The following AKAP7 variants were observed in gnomAD, a reference collection of about 807,000 sequenced individuals.
AKAP7 encodes the protein A kinase (PRKA) anchor protein 7.
A neutral mutation model predicts 39.5 loss-of-function variants in AKAP7; 39 were observed. The ratio of observed to expected loss-of-function variants is 0.99; its 90% CI spans 0.76 to 1.29. AKAP7 has a LOEUF of 1.29. Ranked by LOEUF, AKAP7 falls within the 50% of genes most tolerant of loss-of-function variation. AKAP7 has a pLI of 0.00. For missense variants in AKAP7, 414 were observed against 407.7 expected (o/e 1.02, Z -0.13); for synonymous variants, 140 against 139.1 (o/e 1.01, Z -0.05).
rs554398202 is a variant in AKAP7 at position 131,184,546 on chromosome 6, C to G, written c.590-14915C>G. ...GCTCGATGCATTGCCAGCAGTATGT[C>G]TTCACTGCCCCATCATCATGGGGGT... On this transcript the variant is annotated intron_variant, in intron 5 of 7. Coordinates refer to ENST00000431975, the MANE Select transcript of AKAP7 (RefSeq NM_016377.4). 5.6e-6 allele frequency: 4 copies of G among 719,400 alleles called. No homozygotes were observed. In the East Asian group the frequency reaches 1.0e-4, roughly 18 times the overall value. The allele number at this position is 719,400 out of a possible 1,614,324, so 44.6% of individuals were successfully genotyped here.
At chr6:131,236,749 T>A (rs1383421363) in intron 7 of AKAP7, among the ~76,000 whole-genome samples, 2 of 152,198 alleles carry the variant, frequency 1.3e-5, no homozygotes, top group African/African-American at 4.8e-5. Flanking sequence ...TTTTGCACAT[T>A]CATTTTGTAT....
intron 6 of AKAP7, among the ~76,000 whole-genome samples, chr6:131,211,607 A>G (rs966322479): frequency 6.6e-6 from 1 of 151,482 alleles, no homozygotes; most frequent in Non-Finnish European, 1.5e-5. Context: ...CTACTAAAAA[A>G]AAAAAAATGC....
intron 1 of AKAP7, among the ~76,000 whole-genome samples, chr6:131,139,288 C>T (rs186412436): frequency 4.1e-4 from 62 of 152,196 alleles, no homozygotes; most frequent in Non-Finnish European, 8.2e-4. Flanking sequence ...TTAATAATTC[C>T]TATCTCAAAA....
intron 5 of AKAP7, among the ~76,000 whole-genome samples, chr6:131,191,049 T>A (rs1316647052): frequency 2.0e-5 from 3 of 152,202 alleles, no homozygotes; most frequent in Admixed American, 2.0e-4. Context: ...CTGTTTGTTT[T>A]CTGGGTTGAT....
chr6:131,184,647 C>G, intron 5 of AKAP7: 1 of 766,014 alleles, frequency 1.3e-6, no homozygotes, highest in Admixed American at 1.7e-5. Flanking sequence ...GTCCCATCTT[C>G]TTGTTAATCT....
chr6:131,131,718 T>C (rs1800334099), upstream of AKAP7, among the ~76,000 whole-genome samples: 2 of 152,026 alleles, frequency 1.3e-5, no homozygotes, highest in Non-Finnish European at 2.9e-5. Flanking sequence ...CAAGGAGTAT[T>C]AAAGCCCTCA....
At chr6:131,127,887 G>A in the AKAP7 span, among the ~76,000 whole-genome samples, 17 of 152,172 alleles carry the variant, frequency 1.1e-4, no homozygotes, top group Admixed American at 8.5e-4. Flanking sequence ...AATATGGATG[G>A]AGCTGGAGGC....
chr6:131,154,468 G>GTTTTTTTTTTTTTT (rs58715551), intron 2 of AKAP7, among the ~76,000 whole-genome samples: 5 of 112,540 alleles, frequency 4.4e-5, no homozygotes, highest in Admixed American at 9.6e-5. Context: ...CCCTGTCCCT[G>GTTTTTTTTTTTTTT]TTTTTTTTTT....
chr6:131,200,098 AC>A (rs1487431284), intron 6 of AKAP7: 13 of 155,154 alleles, frequency 8.4e-5, no homozygotes, highest in African/African-American at 3.1e-4. Context: ...TAACTGAGGG[AC>A]CCCCTTTCCT....
chr6:131,216,689 T>G (rs1337748849), intron 6 of AKAP7, among the ~76,000 whole-genome samples: 1 of 152,228 alleles, frequency 6.6e-6, no homozygotes, highest in Non-Finnish European at 1.5e-5. Context: ...TACCACTATT[T>G]TATTGTTTCA....
At chr6:131,179,169 T>G (rs1425794693) in intron 5 of AKAP7, among the ~76,000 whole-genome samples, 5 of 44,436 alleles carry the variant, frequency 1.1e-4, no homozygotes, top group African/African-American at 3.2e-4. Context: ...GTCTATTCGG[T>G]TTTTTTTTTG....
At chr6:131,257,778 GGA>G (rs1167685559) in intron 7 of AKAP7, among the ~76,000 whole-genome samples, 3 of 152,140 alleles carry the variant, frequency 2.0e-5, no homozygotes, top group African/African-American at 7.2e-5. Context: ...GCCTAGGGAA[GGA>G]GAGAGTCCTG....
At chr6:131,226,446 A>G (rs1466357178) in intron 7 of AKAP7, among the ~76,000 whole-genome samples, 1 of 152,244 alleles carries the variant, frequency 6.6e-6, no homozygotes, top group African/African-American at 2.4e-5. Flanking sequence ...ACCGCACTGC[A>G]CTAATCAGCT....
chr6:131,145,395 G>T lies in AKAP7; in HGVS notation c.130G>T (p.Asp44Tyr), dbSNP rs1015544117. 6.5e-7 allele frequency: 1 copy of T among 1,540,884 alleles called. No homozygotes were observed. Among genetic ancestry groups the T allele is most frequent in the Non-Finnish European group, 8.8e-7 (1 of 1,142,150 alleles). The change falls in exon 2 of 8, where the codon GAT becomes TAT. Residue 44 changes from aspartate to tyrosine, a missense_variant. Physicochemically the swap from Asp to Tyr is radical, Grantham distance 160. Coordinates refer to ENST00000431975, the MANE Select transcript of AKAP7 (RefSeq NM_016377.4). ...GGTAGACATGCCATTTGCTACTGTA[G>T]ATATTCAGGATGACTGTGGAAGTAA... ...SLVDMPFATVDIQDDCGITDE... is the reference protein window; with the variant it reads ...SLVDMPFATVYIQDDCGITDE...
At chr6:131,240,906 C>T (rs564656620) in intron 7 of AKAP7, among the ~76,000 whole-genome samples, 30 of 151,748 alleles carry the variant, frequency 2.0e-4, no homozygotes, top group African/African-American at 7.2e-4. Flanking sequence ...TGCCCTGCAC[C>T]CACTGTCCTG....
At chr6:131,196,874 A>T (rs1806986172) in intron 5 of AKAP7, among the ~76,000 whole-genome samples, 1 of 152,012 alleles carries the variant, frequency 6.6e-6, no homozygotes, top group Non-Finnish European at 1.5e-5. Context: ...TGCATTTGTT[A>T]TTGTGCTTAT....
intron 7 of AKAP7, among the ~76,000 whole-genome samples, chr6:131,237,829 A>T (rs1811199238): frequency 6.6e-6 from 1 of 151,818 alleles, no homozygotes; most frequent in Non-Finnish European, 1.5e-5. Flanking sequence ...GCAGTCTATC[A>T]ATTTTGTTGA....
intron 5 of AKAP7, among the ~76,000 whole-genome samples, chr6:131,191,878 C>CT (rs1457262855): frequency 2.7e-5 from 4 of 147,046 alleles, no homozygotes; most frequent in African/African-American, 1.0e-4. Flanking sequence ...TTGGTCAACT[C>CT]TGTCACCCAG....
In AKAP7 at chr6:131,283,327, G is replaced by A. The variant is rs926272781; in HGVS notation, c.*1601G>A. On this transcript the variant is annotated 3_prime_UTR_variant, in exon 8 of 8. Transcript: ENST00000431975. ...AACTTCCCCGGTATGATGATTGTTG[G>A]TAACAACTTTTTCTATAGTCATTGA... 1 of 152,532 alleles carries A rather than the reference G, an allele frequency of 6.6e-6. No individual in the cohort carries two copies. Among genetic ancestry groups the A allele is most frequent in the Non-Finnish European group, 1.5e-5 (1 of 68,020 alleles). 9.4% of individuals were successfully genotyped at this position (152,532 alleles called of 1,614,324 possible).
Sources: gnomAD v4.1 joint callset for allele counts (sites outside exome capture counted in the v4.1 genomes callset) on GRCh38, gnomAD v4.1.1 for gene constraint, MANE v1.5 for transcripts, NCBI Gene and HGNC (gene_info 2026-07-23, HGNC 2026-07-21) for gene names.